Variants in TTC5 observed in about 807,000 individuals in gnomAD.
TTC5 encodes tetratricopeptide repeat protein 5.
In TTC5, 46 loss-of-function variants were observed where a neutral mutation model predicts 57.4. The observed-to-expected ratio is 0.80, with a 90% CI of 0.63 to 1.03. The LOEUF (loss-of-function observed/expected upper bound fraction) is 1.03, where lower values mean the gene tolerates loss of function less well. TTC5 is among the 50% of genes least tolerant of loss of function. The probability of loss-of-function intolerance (pLI) is 0.00; values close to 1 mark genes in which losing one functional copy is unlikely to be tolerated. For missense variants in TTC5, 504 were observed against 528.1 expected, an observed-to-expected ratio of 0.95 and a Z score of 0.45; for synonymous variants, 190 against 203.5, an observed-to-expected ratio of 0.93 and a Z score of 0.57.
chr14:20,296,528 T>C, intron 5 of TTC5, 82 bp from the exon 6 acceptor site: 1 of 1,107,582 alleles, frequency 9.0e-7, no homozygotes, highest in East Asian at 2.4e-5. Flanking sequence ...ACGCCTCCTC[T>C]TTCTAGAGAA....
intron 1 of TTC5, among the ~76,000 whole-genome samples, 166 bp from the exon 2 acceptor site, chr14:20,302,131 G>A (rs1882205963): frequency 6.6e-6 from 1 of 152,176 alleles, no homozygotes; most frequent in Non-Finnish European, 1.5e-5. Flanking sequence ...CACAAATCAT[G>A]AGGAAAAGCA....
intron 2 of TTC5, among the ~76,000 whole-genome samples, chr14:20,301,408 A>C (rs535296032): frequency 1.3e-4 from 20 of 152,350 alleles, no homozygotes; most frequent in African/African-American, 4.3e-4. Context: ...AACAATGGAC[A>C]CTTAAATACC....
chr14:20,305,789 G>A, intron 1 of TTC5, 98 bp downstream of exon 1: 8 of 1,221,394 alleles, frequency 6.5e-6, no homozygotes, highest in Non-Finnish European at 9.7e-6. Flanking sequence ...ACGCAGCTTC[G>A]CGTGTGTGCC....
At chr14:20,295,566 T>G in intron 7 of TTC5, 40 bp from the exon 8 acceptor site, 1 of 1,588,152 alleles carries the variant, frequency 6.3e-7, no homozygotes, top group Non-Finnish European at 8.6e-7. Flanking sequence ...TGGAAACTAG[T>G]CGCCTTCCTT....
At chr14:20,292,983 T>C (rs192534735) in intron 8 of TTC5, 11 of 152,340 alleles carry the variant, frequency 7.2e-5, no homozygotes, top group Admixed American at 7.2e-4. Context: ...ATGATCTCTA[T>C]TTGGGTTATA....
chr14:20,302,403 CCT>C (rs1294194778), intron 1 of TTC5, among the ~76,000 whole-genome samples: 1 of 152,148 alleles, frequency 6.6e-6, no homozygotes, highest in African/African-American at 2.4e-5. Flanking sequence ...CCATTTTATC[CCT>C]GATTTTTCAT....
Position 20,296,404 on chromosome 14 carries a change from G to C in TTC5, c.682C>G (p.Leu228Val). 1.2e-5 allele frequency: 19 copies of C among 1,613,060 alleles called. No homozygotes were observed. The highest frequency in any genetic ancestry group is 1.6e-5 in the Non-Finnish European group (19 of 1,178,980). ...RKASSNPDLHLNRATLHKYEE... is the reference protein window; with the variant it reads ...RKASSNPDLHVNRATLHKYEE... ...AAAGGTCTTACCGTCGCCCTGTTCA[G>C]ATGAAGGTCAGGATTGCTAGAAGCT... Residue 228 changes from leucine to valine, a missense_variant, in exon 6 of 10, where the codon CTG becomes GTG. Coordinates refer to ENST00000258821, the MANE Select transcript of TTC5 (RefSeq NM_138376.3).
chr14:20,296,965 G>A (rs1052736839), intron 5 of TTC5, among the ~76,000 whole-genome samples: 1 of 152,120 alleles, frequency 6.6e-6, no homozygotes, highest in Non-Finnish European at 1.5e-5. Flanking sequence ...AGCCGAGATT[G>A]CACCACTGCA....
rs1881869478 is a variant in TTC5 at position 20,287,828 on chromosome 14, T to C, written c.*1799A>G. On this transcript the variant is annotated 3_prime_UTR_variant, in exon 10 of 10. Transcript: ENST00000258821. The stretch of plus-strand genomic sequence containing the variant: ...ATCTTCCCTAGTTGCTTTCAGCCAA[T>C]TCTCAAGTTATTTTTATACCCCACA... 6.6e-6 allele frequency: 1 copy of C among 152,246 alleles called. No homozygotes were observed. Among genetic ancestry groups the C allele is most frequent in the African/African-American group, 2.4e-5 (1 of 41,466 alleles). The allele number at this position is 152,246 out of a possible 1,614,324, so 9.4% of individuals were successfully genotyped here. A position where few individuals can be genotyped will look rare whatever the true frequency, so the allele number is the denominator to read the frequency against.
Position 20,305,887 on chromosome 14 carries a change from C to G in TTC5, c.51G>C (p.Gln17His), listed in dbSNP as rs779307174. Residue 17 changes from glutamine to histidine, a missense_variant and splice_region_variant, in exon 1 of 10, where the codon CAG becomes CAC. Transcript: ENST00000258821. ...TACAGAATTTAATCTACGGCCCCACCTGCAATTTCTGCAAGATCGGCTTGA... is the reference window on the plus strand; with the variant it reads ...TACAGAATTTAATCTACGGCCCCACGTGCAATTTCTGCAAGATCGGCTTGA... Reference protein sequence around the residue: ...EEVKPILQKLQELVDQLYSFR... With the variant: ...EEVKPILQKLHELVDQLYSFR... 6.2e-7 allele frequency: 1 copy of G among 1,614,126 alleles called. No homozygotes were observed. Among genetic ancestry groups the G allele is most frequent in the Admixed American group, 1.7e-5 (1 of 60,020 alleles).
At chr14:20,305,294 A>G (rs1268857459) in intron 1 of TTC5, 2 of 152,248 alleles carry the variant, frequency 1.3e-5, no homozygotes, top group Non-Finnish European at 2.9e-5. Context: ...ATGGGTTCTT[A>G]AAGGCAAAGA....
rs754518931 is a variant in TTC5, at chr14:20,289,446, C to G, written c.*181G>C. 8 of 599,210 alleles carry G rather than the reference C, an allele frequency of 1.3e-5. No homozygotes were observed. The highest frequency in any genetic ancestry group is 1.9e-5 in the Non-Finnish European group (7 of 376,136). 37.1% of individuals were successfully genotyped at this position (599,210 alleles called of 1,614,324 possible). On this transcript the variant is annotated 3_prime_UTR_variant, in exon 10 of 10. Coordinates refer to ENST00000258821, the MANE Select transcript of TTC5 (RefSeq NM_138376.3). ...GAAGAGTATGTGGCCCTGTAGAGAG[C>G]TGGAACATGATGAGGACAGAGGAGA...
chr14:20,296,247 T>C, intron 6 of TTC5, 143 bp downstream of exon 6: 1 of 736,700 alleles, frequency 1.4e-6, no homozygotes, highest in Non-Finnish European at 2.4e-6. Flanking sequence ...CAAACCGAGC[T>C]AGCTATTTAT....
intron 1 of TTC5, 137 bp downstream of exon 1, chr14:20,305,750 G>C (rs1882278264): frequency 3.4e-6 from 3 of 893,708 alleles, no homozygotes; most frequent in South Asian, 1.5e-5. Context: ...CTGCACCCTC[G>C]AGGGTTGTTA....
At chr14:20,305,706 G>C (rs112203473) in intron 1 of TTC5, 181 bp downstream of exon 1, 6 of 630,590 alleles carry the variant, frequency 9.5e-6, no homozygotes, top group Middle Eastern at 3.2e-4. Context: ...GTCGGCAGCA[G>C]GAGGTTCCAA....
chr14:20,305,852 C>A, intron 1 of TTC5, 35 bp downstream of exon 1: 1 of 1,609,322 alleles, frequency 6.2e-7, no homozygotes, highest in Non-Finnish European at 8.5e-7. Context: ...TTCGGAGTAA[C>A]AAAAACACAT....
At chr14:20,305,712 T>G in intron 1 of TTC5, 175 bp downstream of exon 1, 2 of 647,852 alleles carry the variant, frequency 3.1e-6, no homozygotes, top group Non-Finnish European at 5.5e-6. Context: ...AGCAGGAGGT[T>G]CCAACGAGGC....
In TTC5 at chr14:20,299,320, A is replaced by G; in HGVS notation, c.525T>C (p.Asp175=). 6.2e-7 allele frequency: 1 copy of G among 1,613,984 alleles called. No individual in the cohort carries two copies. Among genetic ancestry groups the G allele is most frequent in the Non-Finnish European group, 8.5e-7 (1 of 1,179,892 alleles). The stretch of plus-strand genomic sequence containing the variant: ...CACACCAGGAGCGGCCATCATGGAC[A>G]TCCATCTGAACAGCCAACTTAGCCT... ...VRQAKLAVQM[D]VHDGRSWYIL... The change falls in exon 4 of 10, where the codon GAT becomes GAC. Residue 175 remains aspartate, a synonymous_variant. Coordinates refer to ENST00000258821, the MANE Select transcript of TTC5 (RefSeq NM_138376.3).
intron 1 of TTC5, among the ~76,000 whole-genome samples, chr14:20,304,530 G>A (rs1445105421): frequency 1.3e-5 from 2 of 152,090 alleles, no homozygotes; most frequent in Non-Finnish European, 2.9e-5. Flanking sequence ...CCATCTCCAT[G>A]AACAGCAACA....
Sources: allele counts gnomAD v4.1 joint callset (sites outside exome capture counted in the v4.1 genomes callset), GRCh38; gene constraint gnomAD v4.1.1; transcripts MANE v1.5; gene names NCBI Gene and HGNC (gene_info 2026-07-23, HGNC 2026-07-21).